Variants in IGFL2 observed in about 807,000 individuals in gnomAD.
The protein encoded by IGFL2 is IGF like family member 2.
Under a neutral mutation model 13.9 loss-of-function variants are expected in IGFL2, and 7 were observed. That is an observed-to-expected ratio of 0.51 (90% confidence interval 0.29 to 0.95). IGFL2 has a LOEUF of 0.95. Ranked by LOEUF, IGFL2 falls within the 40% of genes least tolerant of loss-of-function variation. IGFL2 has a pLI of 0.08. For synonymous variants in IGFL2, 55 were observed against 55.8 expected (o/e 0.99, Z 0.07); for missense variants, 138 against 147.8 (o/e 0.93, Z 0.34).
intron 1 of IGFL2, among the ~76,000 whole-genome samples, chr19:46,150,596 C>T (rs970486861): frequency 6.6e-6 from 1 of 152,060 alleles, no homozygotes; most frequent in Non-Finnish European, 1.5e-5. Context: ...CCATATCTAC[C>T]ACCTAATATA....
chr19:46,185,698 A>G, the IGFL2 span, among the ~76,000 whole-genome samples: 3 of 152,230 alleles, frequency 2.0e-5, no homozygotes, highest in Non-Finnish European at 4.4e-5. Context: ...CAGTCTATAC[A>G]GTGAGCTTGG....
chr19:46,087,110 G>A, the IGFL2 span, among the ~76,000 whole-genome samples: 4 of 152,160 alleles, frequency 2.6e-5, no homozygotes, highest in African/African-American at 9.7e-5. Context: ...GGTCCTCCAG[G>A]TCGCTTGATC....
At chr19:46,089,969 C>T in the IGFL2 span, among the ~76,000 whole-genome samples, 1 of 152,084 alleles carries the variant, frequency 6.6e-6, no homozygotes, top group African/African-American at 2.4e-5. Flanking sequence ...CTCTTTAATT[C>T]CAGTGACCCA....
chr19:46,118,131 A>T, the IGFL2 span, among the ~76,000 whole-genome samples: 6 of 152,202 alleles, frequency 3.9e-5, no homozygotes, highest in East Asian at 1.2e-3. Context: ...AATTTTAAAG[A>T]GAAGTTTAGT....
At chr19:46,082,265 A>G in the IGFL2 span, among the ~76,000 whole-genome samples, 4 of 152,230 alleles carry the variant, frequency 2.6e-5, no homozygotes, top group Non-Finnish European at 4.4e-5. Context: ...CATTATTAAG[A>G]CAGTTAAACT....
chr19:46,200,112 A>G, the IGFL2 span, among the ~76,000 whole-genome samples: 4 of 152,088 alleles, frequency 2.6e-5, no homozygotes, highest in Admixed American at 2.6e-4. Context: ...TCGGCCTCCC[A>G]AAGTGCTGGG....
At chr19:46,166,104 G>T (rs1199313715), downstream of IGFL2, among the ~76,000 whole-genome samples, 2 of 152,140 alleles carry the variant, frequency 1.3e-5, no homozygotes, top group Non-Finnish European at 2.9e-5. Context: ...TTCCAAAAAG[G>T]TGTTAGAAAC....
intron 1 of IGFL2, among the ~76,000 whole-genome samples, chr19:46,157,904 G>A (rs944538098): frequency 4.5e-4 from 68 of 152,170 alleles, no homozygotes; most frequent in African/African-American, 1.6e-3. Context: ...ATCTAAAAAT[G>A]TACTCCTATA....
chr19:46,148,376 C>G (rs1973253772), intron 1 of IGFL2, 79 bp downstream of exon 1: 1 of 1,228,228 alleles, frequency 8.1e-7, no homozygotes. Flanking sequence ...ACTTAATTCT[C>G]TCTTCCCTAT....
At chr19:46,154,162 G>A (rs1037869747) in intron 1 of IGFL2, among the ~76,000 whole-genome samples, 26 of 152,140 alleles carry the variant, frequency 1.7e-4, no homozygotes, top group Admixed American at 3.3e-4. Context: ...GCAAAGGACA[G>A]GAACTCATTC....
At chr19:46,136,924 T>G in the IGFL2 span, 4 of 976,770 alleles carry the variant, frequency 4.1e-6, no homozygotes, top group Non-Finnish European at 6.6e-6. Flanking sequence ...TCTGGGCACA[T>G]GAGAGAGGTG....
chr19:46,136,860 G>A, the IGFL2 span: 1 of 733,488 alleles, frequency 1.4e-6, no homozygotes, highest in Non-Finnish European at 2.5e-6. Context: ...AGGGGGAGGA[G>A]TGTTGAAAAG....
upstream of IGFL2, among the ~76,000 whole-genome samples, chr19:46,146,442 C>G (rs1307816376): frequency 1.3e-5 from 2 of 152,090 alleles, no homozygotes; most frequent in African/African-American, 2.4e-5. Flanking sequence ...ATTCTAGTTT[C>G]CATTGCTTTT....
At chr19:46,185,987 G>A in the IGFL2 span, among the ~76,000 whole-genome samples, 9 of 152,226 alleles carry the variant, frequency 5.9e-5, no homozygotes, top group Admixed American at 1.3e-4. Context: ...CCCGGCCTCC[G>A]TCCCATCTGG....
the IGFL2 span, chr19:46,111,574 A>G: frequency 6.6e-6 from 1 of 152,262 alleles, no homozygotes; most frequent in South Asian, 2.1e-4. Flanking sequence ...TGTGTCTGCC[A>G]AAACATATGG....
At chr19:46,140,962 C>T (rs898053478), upstream of IGFL2, among the ~76,000 whole-genome samples, 18 of 152,248 alleles carry the variant, frequency 1.2e-4, no homozygotes, top group East Asian at 3.9e-4. Flanking sequence ...GGAAAGTAAC[C>T]GCTGTGAAAC....
the IGFL2 span, chr19:46,213,515 A>G: frequency 6.4e-6 from 1 of 156,252 alleles, no homozygotes. Flanking sequence ...TCCCAACCGA[A>G]CCCATCTCCC....
chr19:46,123,834 TC>T, the IGFL2 span: 1 of 1,542,688 alleles, frequency 6.5e-7, no homozygotes, highest in African/African-American at 1.4e-5. Flanking sequence ...GCCCTCTGTA[TC>T]CCTCATCCCT....
the IGFL2 span, among the ~76,000 whole-genome samples, chr19:46,084,210 A>G: frequency 3.3e-5 from 5 of 152,340 alleles, no homozygotes; most frequent in African/African-American, 1.2e-4. Flanking sequence ...TGTGGCATAC[A>G]TATGATATAT....
Sources: allele counts gnomAD v4.1 joint callset (sites outside exome capture counted in the v4.1 genomes callset), GRCh38; gene constraint gnomAD v4.1.1; transcripts MANE v1.5; gene names NCBI Gene and HGNC (gene_info 2026-07-23, HGNC 2026-07-21).